Variants in PRKCH observed in about 807,000 individuals in gnomAD.
PRKCH encodes protein kinase C eta type.
A neutral mutation model predicts 82.5 loss-of-function variants in PRKCH; 28 were observed. The observed-to-expected ratio is 0.34, with a 90% CI of 0.25 to 0.47. PRKCH has a LOEUF of 0.47. Among genes scored for constraint, PRKCH ranks in the 20% least tolerant of loss-of-function variants. The pLI, the probability that PRKCH is intolerant of heterozygous loss-of-function variation, is 1.00. For synonymous variants in PRKCH, 322 were observed against 327.4 expected (o/e 0.98, Z 0.18); for missense variants, 705 against 881.8 (o/e 0.80, Z 2.54).
At chr14:61,349,258 A>T (rs1431255189) in intron 1 of PRKCH, among the ~76,000 whole-genome samples, 1 of 152,150 alleles carries the variant, frequency 6.6e-6, no homozygotes, top group Non-Finnish European at 1.5e-5. Context: ...TTGATGACAG[A>T]TCTTCCACTA....
At chr14:61,390,631 T>G (rs1287879560) in intron 1 of PRKCH, 1 of 152,632 alleles carries the variant, frequency 6.6e-6, no homozygotes, top group African/African-American at 2.4e-5. Flanking sequence ...ATCATGCCAC[T>G]GCACTCCAGC....
At chr14:61,206,986 A>G (rs1337597410) in intron 1 of PRKCH, among the ~76,000 whole-genome samples, 1 of 151,472 alleles carries the variant, frequency 6.6e-6, no homozygotes, top group Non-Finnish European at 1.5e-5. Context: ...CATGCCTTTA[A>G]TCCCAGCTAC....
At chr14:61,539,701 C>CTTTT (rs112037904) in intron 12 of PRKCH, among the ~76,000 whole-genome samples, 1 of 147,208 alleles carries the variant, frequency 6.8e-6, no homozygotes, top group African/African-American at 2.5e-5. Context: ...AAAATGCCAG[C>CTTTT]TTTTTTTTTT....
At chr14:61,321,394 G>C (rs959558623), upstream of PRKCH, among the ~76,000 whole-genome samples, 4 of 152,234 alleles carry the variant, frequency 2.6e-5, no homozygotes, top group African/African-American at 9.6e-5. This position sits in a 1 kb window ranked among gnomAD's most constrained non-coding sequence, Gnocchi z 4.1. Context: ...GCCTGCGCCC[G>C]GGGTGGCCCC....
Position 61,322,404 on chromosome 14 carries a change from C to A in PRKCH, c.303C>A (p.Cys101Ter). 6.2e-7 allele frequency: 1 copy of A among 1,609,740 alleles called. No individual in the cohort carries two copies. Among genetic ancestry groups the A allele is most frequent in the Non-Finnish European group, 8.5e-7 (1 of 1,176,858 alleles). ...GCTACGACCACTTCGTGGCCAACTG[C>A]ACCCTGCAGTTCCAGGAGCTGCTGC... ...PLGYDHFVAN[C>*]TLQFQELLRT... Residue 101 changes from cysteine (C) to a stop codon, truncating the protein, a stop_gained, in exon 1 of 14, where the codon TGC becomes TGA. Transcript: ENST00000332981. LOFTEE classifies it high-confidence loss of function.
intron 1 of PRKCH, among the ~76,000 whole-genome samples, chr14:61,221,335 G>C (rs892725173): frequency 6.6e-6 from 1 of 152,152 alleles, no homozygotes; most frequent in Admixed American, 6.5e-5. Context: ...TACAAGTATA[G>C]ACAAAATCAT....
chr14:61,537,018 A>G (rs1219389792), intron 12 of PRKCH, among the ~76,000 whole-genome samples: 4 of 152,210 alleles, frequency 2.6e-5, no homozygotes, highest in African/African-American at 9.6e-5. Flanking sequence ...GCTTGAGCAC[A>G]CTTAGTTTTT....
rs556704049 is a variant in PRKCH at position 61,329,299 on chromosome 14, C to T, written c.363+6835C>T. ...TTGCCCAGGCTGGAGTACAGTGGCA[C>T]GATCTCGGCTCACTTCAACCTCCGC... On this transcript the variant is annotated intron_variant, in intron 1 of 13. Transcript: ENST00000332981. Among the ~76,000 whole-genome samples the T allele has an allele frequency of 3.2e-5, 4 of 125,558 alleles. No individual in the cohort carries two copies. In the South Asian group the frequency reaches 1.1e-3, roughly 36 times the overall value. The allele number at this position is 125,558 out of a possible 152,430, so 82.4% of individuals were successfully genotyped here.
intron 1 of PRKCH, among the ~76,000 whole-genome samples, chr14:61,206,952 C>T (rs1344453391): frequency 1.3e-5 from 2 of 151,396 alleles, no homozygotes; most frequent in Non-Finnish European, 2.9e-5. Context: ...ACTAAAAATA[C>T]AAAATTAGCC....
intron 1 of PRKCH, among the ~76,000 whole-genome samples, chr14:61,197,323 C>T (rs2044448179): frequency 6.6e-6 from 1 of 152,218 alleles, no homozygotes; most frequent in Non-Finnish European, 1.5e-5. Context: ...CCTCTCCCTA[C>T]ATATAGTGAG....
chr14:61,391,270 A>G lies in PRKCH; in HGVS notation c.409A>G (p.Thr137Ala), dbSNP rs142236183. 3.4e-5 allele frequency: 54 copies of G among 1,610,586 alleles called. No individual in the cohort carries two copies. Among genetic ancestry groups the G allele is most frequent in the East Asian group, 6.7e-5 (3 of 44,742 alleles). Reference protein sequence around the residue: ...EGKVFVVITLTGSFTEATLQR... With the variant: ...EGKVFVVITLAGSFTEATLQR... ...GAAAGTATTTGTGGTAATAACCCTT[A>G]CCGGGAGTTTCACTGAAGGTAAGAA... Residue 137 changes from threonine (T) to alanine (A), a missense_variant, in exon 2 of 14, where the codon ACC becomes GCC. By Grantham distance (58) the Thr-to-Ala change is moderately conservative. Around this residue, in one of 5 missense-constraint regions of PRKCH, gnomAD observed 246 missense variants for 308.0 expected, o/e 0.80. Coordinates refer to ENST00000332981, the MANE Select transcript of PRKCH (RefSeq NM_006255.5).
At chr14:61,321,420 G>A (rs1336020549), upstream of PRKCH, among the ~76,000 whole-genome samples, 1 of 152,192 alleles carries the variant, frequency 6.6e-6, no homozygotes, top group Non-Finnish European at 1.5e-5. This position sits in a 1 kb window ranked among gnomAD's most constrained non-coding sequence, Gnocchi z 4.1. Flanking sequence ...CGCAGCGCAC[G>A]GCCAGACCCA....
At chr14:61,315,656 G>A (rs1241568825) in intron 1 of PRKCH, among the ~76,000 whole-genome samples, 2 of 151,736 alleles carry the variant, frequency 1.3e-5, no homozygotes, top group African/African-American at 2.4e-5. Flanking sequence ...TAATTTACCC[G>A]TGTTGCATTG....
At chr14:61,327,624 C>T (rs1408099392) in intron 1 of PRKCH, among the ~76,000 whole-genome samples, 2 of 152,102 alleles carry the variant, frequency 1.3e-5, no homozygotes, top group Admixed American at 6.5e-5. Flanking sequence ...ATATTATTAT[C>T]TTGTTGTCTT....
chr14:61,310,717 T>C (rs2045516587), intron 1 of PRKCH, among the ~76,000 whole-genome samples: 1 of 152,260 alleles, frequency 6.6e-6, no homozygotes, highest in South Asian at 2.1e-4. Context: ...CAATGGGGAC[T>C]CTGTGTGGGG....
At chr14:61,406,899 G>A (rs549549677) in intron 2 of PRKCH, among the ~76,000 whole-genome samples, 1 of 152,038 alleles carries the variant, frequency 6.6e-6, no homozygotes, top group Non-Finnish European at 1.5e-5. Context: ...TGTTGGTGAT[G>A]AACTCGACAT....
At chr14:61,337,686 C>G (rs2045877803) in intron 1 of PRKCH, among the ~76,000 whole-genome samples, 2 of 152,210 alleles carry the variant, frequency 1.3e-5, no homozygotes, top group African/African-American at 2.4e-5. Context: ...CATGGCCTCC[C>G]AAAGTGCTGG....
chr14:61,373,964 A>G (rs1321328342), intron 1 of PRKCH, among the ~76,000 whole-genome samples: 1 of 152,136 alleles, frequency 6.6e-6, no homozygotes, highest in Non-Finnish European at 1.5e-5. Context: ...GTCTCATCTG[A>G]GACAAAGGCA....
intron 10 of PRKCH, among the ~76,000 whole-genome samples, chr14:61,520,553 C>T (rs1033402842): frequency 2.6e-5 from 4 of 151,888 alleles, no homozygotes; most frequent in Admixed American, 2.0e-4. Flanking sequence ...TTAAAAAAAT[C>T]AAAAAGATAA....
Sources: allele counts gnomAD v4.1 joint callset (sites outside exome capture counted in the v4.1 genomes callset), GRCh38; gene constraint gnomAD v4.1.1; regional missense constraint gnomAD v4.1.1; non-coding constraint Gnocchi (gnomAD v3.1); transcripts MANE v1.5; gene names NCBI Gene and HGNC (gene_info 2026-07-23, HGNC 2026-07-21).